Variants in CSMD3 observed in about 807,000 individuals in gnomAD.
The protein encoded by CSMD3 is CUB and sushi domain-containing protein 3.
In CSMD3, 177 loss-of-function variants were observed where a neutral mutation model predicts 435.2. The observed-to-expected ratio is 0.41, with a 90% CI of 0.36 to 0.46. The LOEUF (loss-of-function observed/expected upper bound fraction) is 0.46. CSMD3 is among the 20% of genes least tolerant of loss of function. The probability of loss-of-function intolerance (pLI) is 0.34; values close to 1 mark genes in which losing one functional copy is unlikely to be tolerated. For synonymous variants in CSMD3, 1,656 were observed against 1,520.5 expected, an observed-to-expected ratio of 1.09 and a Z score of -2.07; for missense variants, 4,265 against 4,504.6, an observed-to-expected ratio of 0.95 and a Z score of 1.52.
At chr8:112,429,014 G>A (rs781561927) in intron 32 of CSMD3, among the ~76,000 whole-genome samples, 3 of 152,082 alleles carry the variant, frequency 2.0e-5, no homozygotes, top group Admixed American at 1.3e-4. Flanking sequence ...ACTAGCATAT[G>A]CATCACCTCA....
chr8:112,904,704 G>A (rs757251275), intron 10 of CSMD3, among the ~76,000 whole-genome samples: 1 of 151,344 alleles, frequency 6.6e-6, no homozygotes, highest in African/African-American at 2.4e-5. Flanking sequence ...CCTCAGTTCT[G>A]ACCTTAAGGT....
At chr8:113,190,663 T>C (rs920976170) in intron 3 of CSMD3, among the ~76,000 whole-genome samples, 1 of 149,926 alleles carries the variant, frequency 6.7e-6, no homozygotes, top group Non-Finnish European at 1.5e-5. Context: ...TTCCTTATGG[T>C]GGAAAAGAAA....
At chr8:112,325,103 T>A (rs1812661814) in intron 45 of CSMD3, among the ~76,000 whole-genome samples, 1 of 152,152 alleles carries the variant, frequency 6.6e-6, no homozygotes, top group African/African-American at 2.4e-5. Context: ...GTACCACTGA[T>A]AGGCATGTGG....
chr8:113,054,480 A>G (rs545652268), intron 5 of CSMD3, among the ~76,000 whole-genome samples: 1 of 152,030 alleles, frequency 6.6e-6, no homozygotes, highest in South Asian at 2.1e-4. Flanking sequence ...TCTACCATCC[A>G]CTCTTATATG....
chr8:112,741,018 C>A (rs2077293018), intron 13 of CSMD3, among the ~76,000 whole-genome samples: 1 of 151,758 alleles, frequency 6.6e-6, no homozygotes, highest in Non-Finnish European at 1.5e-5. Flanking sequence ...AAAGCCATTA[C>A]AATGTATAAC....
At chr8:112,634,405 T>C (rs2074599896) in intron 22 of CSMD3, among the ~76,000 whole-genome samples, 1 of 152,054 alleles carries the variant, frequency 6.6e-6, no homozygotes, top group South Asian at 2.1e-4. Flanking sequence ...AAGGAATATT[T>C]CTCCCCATCC....
chr8:112,538,916 T>G (rs895027993), intron 27 of CSMD3: 27 of 152,234 alleles, frequency 1.8e-4, no homozygotes. Context: ...GATGAAAACC[T>G]CACTGGAGTC....
intron 5 of CSMD3, among the ~76,000 whole-genome samples, chr8:113,037,275 G>A (rs2087394910): frequency 6.6e-6 from 1 of 151,962 alleles, no homozygotes; most frequent in Non-Finnish European, 1.5e-5. Context: ...GTTCATATAA[G>A]CCTGAAAGTA....
chr8:112,235,830 G>A (rs188944341), intron 67 of CSMD3, among the ~76,000 whole-genome samples: 40 of 152,170 alleles, frequency 2.6e-4, no homozygotes, highest in African/African-American at 9.4e-4. Flanking sequence ...TTTATATGGA[G>A]ACAGTAAGTG....
chr8:112,756,070 A>C (rs1006630023), intron 13 of CSMD3, among the ~76,000 whole-genome samples: 1 of 152,100 alleles, frequency 6.6e-6, no homozygotes, highest in Non-Finnish European at 1.5e-5. Context: ...AAACTACCAG[A>C]GCCTAAAGAC....
At chr8:112,424,160 C>T (rs1219004242) in intron 32 of CSMD3, among the ~76,000 whole-genome samples, 1 of 152,076 alleles carries the variant, frequency 6.6e-6, no homozygotes, top group Non-Finnish European at 1.5e-5. Flanking sequence ...ACCTCCACTC[C>T]TCCCAACCTA....
At chr8:112,480,079 C>A (rs1260350869) in intron 31 of CSMD3, among the ~76,000 whole-genome samples, 1 of 152,176 alleles carries the variant, frequency 6.6e-6, no homozygotes, top group Non-Finnish European at 1.5e-5. Flanking sequence ...TGGGAGTCCA[C>A]CCCTCACACA....
intron 65 of CSMD3, 69 bp from the exon 66 acceptor site, chr8:112,241,854 A>G: frequency 1.3e-6 from 1 of 771,254 alleles, no homozygotes; most frequent in Non-Finnish European, 2.3e-6. Context: ...GCACACACAC[A>G]CACGCACACA....
intron 6 of CSMD3, among the ~76,000 whole-genome samples, chr8:112,993,215 G>A (rs1432724528): frequency 6.6e-6 from 1 of 151,736 alleles, no homozygotes; most frequent in Non-Finnish European, 1.5e-5. Context: ...TAAAAGCTGA[G>A]GAGCAGAGTC....
rs540388804 is a variant in CSMD3, at chr8:112,354,210, T to A, written c.6137-1676A>T. Reference sequence around the variant, plus strand: ...AGTAACACATTTCAAAATAATAAGATCCATATATGACAAACCCACAGACAA... The same window carrying A: ...AGTAACACATTTCAAAATAATAAGAACCATATATGACAAACCCACAGACAA... On this transcript the variant is annotated intron_variant, in intron 38 of 70. Coordinates refer to ENST00000297405, the MANE Select transcript of CSMD3 (RefSeq NM_198123.2). Among the ~76,000 whole-genome samples, 5 of 151,964 alleles carry A rather than the reference T, an allele frequency of 3.3e-5. No homozygotes were observed. In the East Asian group the frequency reaches 9.7e-4, roughly 29 times the overall value.
chr8:113,124,079 A>G (rs927173038), intron 4 of CSMD3, among the ~76,000 whole-genome samples: 1 of 151,946 alleles, frequency 6.6e-6, no homozygotes, highest in Admixed American at 6.6e-5. Context: ...TTGCATCTGT[A>G]CCAAATACGT....
chr8:113,107,706 G>A (rs117781733), intron 4 of CSMD3, among the ~76,000 whole-genome samples: 1 of 152,134 alleles, frequency 6.6e-6, no homozygotes, highest in African/African-American at 2.4e-5. Context: ...TTGTTCATGG[G>A]TCAAGTTTCT....
At chr8:113,321,607 A>C (rs1012976713) in intron 1 of CSMD3, among the ~76,000 whole-genome samples, 1 of 152,174 alleles carries the variant, frequency 6.6e-6, no homozygotes, top group Non-Finnish European at 1.5e-5. Context: ...ATTTGCCTTT[A>C]TGCCATTGTG....
intron 10 of CSMD3, among the ~76,000 whole-genome samples, chr8:112,874,216 G>C (rs2081215741): frequency 6.6e-6 from 1 of 152,150 alleles, no homozygotes. Context: ...TAGTTGTGCA[G>C]TTTTGAGTGA....
Sources: allele counts gnomAD v4.1 joint callset (sites outside exome capture counted in the v4.1 genomes callset), GRCh38; gene constraint gnomAD v4.1.1; transcripts MANE v1.5; gene names NCBI Gene and HGNC (gene_info 2026-07-23, HGNC 2026-07-21).